Variants in MMP16 observed in about 807,000 individuals in gnomAD.
The protein encoded by MMP16 is matrix metallopeptidase 16.
MMP16 carries 12 observed loss-of-function variants against 67.8 expected under a neutral mutation model. The observed-to-expected ratio is 0.18, with a 90% CI of 0.11 to 0.29. The LOEUF (loss-of-function observed/expected upper bound fraction) is 0.29, where lower values mean the gene tolerates loss of function less well. MMP16 is among the 10% of genes least tolerant of loss of function. The pLI, the probability that MMP16 is intolerant of heterozygous loss-of-function variation, is 1.00. For synonymous variants in MMP16, 249 were observed against 255.9 expected, an observed-to-expected ratio of 0.97 and a Z score of 0.26; for missense variants, 475 against 765.7, an observed-to-expected ratio of 0.62 and a Z score of 4.48.
Position 88,116,527 on chromosome 8 carries a change from G to C in MMP16, c.1063C>G (p.Arg355Gly). ...GNFNTLAILR[R>G]EMFVFKDQWF... is the part of the protein sequence containing the mutation. The stretch of plus-strand genomic sequence containing the variant: ...CCTACCTTGAAAACAAACATCTCAC[G>C]ACGAAGAATAGCTAGAGTGTTAAAG... Residue 355 changes from arginine to glycine, a missense_variant, in exon 6 of 10, where the codon CGT (arginine) becomes GGT (glycine). Arg to Gly is a moderately radical substitution (Grantham distance 125). Coordinates refer to ENST00000286614, the MANE Select transcript of MMP16 (RefSeq NM_005941.5). 1 of 1,613,202 alleles carries C rather than the reference G, an allele frequency of 6.2e-7. No individual in the cohort carries two copies. Among genetic ancestry groups the C allele is most frequent in the Non-Finnish European group, 8.5e-7 (1 of 1,179,630 alleles).
At chr8:88,236,053 C>A (rs1809935426) in intron 1 of MMP16, among the ~76,000 whole-genome samples, 1 of 152,096 alleles carries the variant, frequency 6.6e-6, no homozygotes, top group African/African-American at 2.4e-5. Flanking sequence ...TAAAGTAAAC[C>A]ACCAACTTTT....
chr8:88,078,610 G>A lies in MMP16; in HGVS notation c.1084-3867C>T, dbSNP rs576010342. Among the ~76,000 whole-genome samples the A allele has an allele frequency of 1.6e-4, 24 of 152,140 alleles. No individual in the cohort carries two copies. In the East Asian group the frequency reaches 2.9e-3, roughly 18 times the overall value. ...GGAGAATTGCTTGAACCCAGGAGGC[G>A]GAGGCTGCAGTGGGCCGAGATTGTG... On this transcript the variant is annotated intron_variant, in intron 6 of 9. Transcript: ENST00000286614.
At chr8:88,147,296 A>C (rs1808309456) in intron 4 of MMP16, among the ~76,000 whole-genome samples, 1 of 152,080 alleles carries the variant, frequency 6.6e-6, no homozygotes, top group Admixed American at 6.5e-5. Context: ...TTAATTCCTT[A>C]ACGCTAAAAT....
At chr8:88,254,087 A>G (rs548943099) in intron 1 of MMP16, among the ~76,000 whole-genome samples, 1 of 152,284 alleles carries the variant, frequency 6.6e-6, no homozygotes, top group South Asian at 2.1e-4. Flanking sequence ...TAGACTGGAT[A>G]AAGAAAATGT....
intron 4 of MMP16, among the ~76,000 whole-genome samples, chr8:88,125,314 G>T (rs755930590): frequency 6.6e-6 from 1 of 151,622 alleles, no homozygotes; most frequent in Admixed American, 6.6e-5. Flanking sequence ...AATTAAAGAG[G>T]TTTGCTGGGA....
chr8:88,276,837 G>A (rs1172805546), intron 1 of MMP16, among the ~76,000 whole-genome samples: 3 of 152,002 alleles, frequency 2.0e-5, no homozygotes, highest in Non-Finnish European at 4.4e-5. Context: ...TGGTGATTAG[G>A]TCAAGTTTCA....
intron 1 of MMP16, among the ~76,000 whole-genome samples, chr8:88,240,482 CA>C (rs1192136860): frequency 1.4e-4 from 21 of 152,096 alleles, no homozygotes; most frequent in Admixed American, 9.8e-4. Context: ...GGTAGAAAAG[CA>C]GGTGAGGCAA....
At chr8:88,186,235 T>A in intron 3 of MMP16, 2 of 362,502 alleles carry the variant, frequency 5.5e-6, no homozygotes, top group Non-Finnish European at 4.9e-6. Context: ...CCTCATAATA[T>A]TGACATTTAT....
rs567744165 is a variant in MMP16, at chr8:88,214,770, G to A, written c.133-17464C>T. 1.1e-4 allele frequency among the ~76,000 whole-genome samples: 17 copies of A among 152,170 alleles called. No homozygotes were observed. The South Asian group carries it at 3.3e-3, about 30-fold the overall frequency. ...GTCTAACTGAAACGTTGTGTCCTCT[G>A]ACAAGGATCTTAACCTTTTTAAACT... On this transcript the variant is annotated intron_variant, in intron 1 of 9. Coordinates refer to ENST00000286614, the MANE Select transcript of MMP16 (RefSeq NM_005941.5).
chr8:88,101,429 A>T (rs528746431), intron 6 of MMP16, among the ~76,000 whole-genome samples: 9 of 152,034 alleles, frequency 5.9e-5, no homozygotes, highest in Admixed American at 3.3e-4. Flanking sequence ...TGCTTGGAAA[A>T]GGCTATCTCT....
chr8:88,137,930 T>C (rs1366479359), intron 4 of MMP16, among the ~76,000 whole-genome samples: 1 of 152,056 alleles, frequency 6.6e-6, no homozygotes, highest in Non-Finnish European at 1.5e-5. Context: ...AGTTGTTAAT[T>C]TCAGTTATTG....
At chr8:88,075,945 ACACAC>A (rs1808642682) in intron 6 of MMP16, among the ~76,000 whole-genome samples, 2 of 126,334 alleles carry the variant, frequency 1.6e-5, no homozygotes, top group Admixed American at 1.5e-4. Flanking sequence ...TCATACACAC[ACACAC>A]ACACACACAC....
At chr8:88,123,388 C>A (rs1379206830) in intron 4 of MMP16, among the ~76,000 whole-genome samples, 1 of 151,654 alleles carries the variant, frequency 6.6e-6, no homozygotes, top group Non-Finnish European at 1.5e-5. Flanking sequence ...GTAGATGTAT[C>A]ATCTATTTTC....
rs115668420 is a variant in MMP16, at chr8:88,257,174, C to T, written c.133-59868G>A. Among the ~76,000 whole-genome samples, 958 of 152,244 alleles carry T rather than the reference C, an allele frequency of 6.3e-3. 6 individuals are homozygous for T. Among genetic ancestry groups the T allele is most frequent in the African/African-American group, 0.022 (912 of 41,538 alleles). On this transcript the variant is annotated intron_variant, in intron 1 of 9. Transcript: ENST00000286614. ...TATACTGAGTCTACTCATAGCAAGT[C>T]GGGTTTATATTTAACCTTAAGGACC...
chr8:88,153,506 A>G (rs932267352), intron 4 of MMP16, among the ~76,000 whole-genome samples: 4 of 152,210 alleles, frequency 2.6e-5, no homozygotes, highest in Admixed American at 1.3e-4. Flanking sequence ...TGGTACTGGT[A>G]CCAAAACAGA....
At chr8:88,047,367 G>T (rs542858426) in intron 8 of MMP16, among the ~76,000 whole-genome samples, 6 of 152,172 alleles carry the variant, frequency 3.9e-5, no homozygotes, top group African/African-American at 1.4e-4. Context: ...TGTGAGGATG[G>T]GCAATAAACC....
chr8:88,094,833 C>T (rs542327114), intron 6 of MMP16, among the ~76,000 whole-genome samples: 30 of 151,892 alleles, frequency 2.0e-4, no homozygotes, highest in African/African-American at 7.0e-4. Flanking sequence ...ATAGGTTTTA[C>T]TCTGTGTGTT....
intron 1 of MMP16, among the ~76,000 whole-genome samples, chr8:88,217,181 T>A (rs1475892790): frequency 6.6e-6 from 1 of 151,956 alleles, no homozygotes; most frequent in East Asian, 1.9e-4. Context: ...ATCAGTCATT[T>A]CTCTAAGAAG....
intron 6 of MMP16, among the ~76,000 whole-genome samples, chr8:88,106,051 GTATA>G (rs34758855): frequency 0.078 from 11,316 of 145,210 alleles, 605 homozygotes; most frequent in African/African-American, 0.14. Context: ...TACACGTTAT[GTATA>G]TATATATATA....
Sources: gnomAD v4.1 joint callset for allele counts (sites outside exome capture counted in the v4.1 genomes callset) on GRCh38, gnomAD v4.1.1 for gene constraint, MANE v1.5 for transcripts, NCBI Gene and HGNC (gene_info 2026-07-23, HGNC 2026-07-21) for gene names.